The following MAML3 variants were observed in gnomAD, a reference collection of about 807,000 sequenced individuals.
MAML3 encodes mastermind-like protein 3.
A neutral mutation model predicts 101.9 loss-of-function variants in MAML3; 27 were observed. That is an observed-to-expected ratio of 0.27 (90% CI 0.20 to 0.37). The LOEUF is 0.37. Ranked by LOEUF, MAML3 falls within the 10% of genes least tolerant of loss-of-function variation. MAML3 has a pLI of 1.00. For missense variants in MAML3, 1,316 were observed against 1,444.9 expected, an observed-to-expected ratio of 0.91 and a Z score of 1.45; for synonymous variants, 501 against 555.9, an observed-to-expected ratio of 0.90 and a Z score of 1.39.
intron 1 of MAML3, among the ~76,000 whole-genome samples, chr4:139,933,386 T>A (rs1227143473): frequency 2.0e-5 from 3 of 152,172 alleles, no homozygotes; most frequent in African/African-American, 2.4e-5. Flanking sequence ...TGTAACTTGC[T>A]GTCAAGAGAC....
intron 1 of MAML3, among the ~76,000 whole-genome samples, chr4:139,951,653 G>A (rs1456617106): frequency 6.6e-6 from 1 of 152,106 alleles, no homozygotes; most frequent in Non-Finnish European, 1.5e-5. Context: ...GGTCAGCTGT[G>A]GCTTCTCGGC....
intron 1 of MAML3, among the ~76,000 whole-genome samples, chr4:140,135,686 A>G (rs529087220): frequency 6.6e-6 from 1 of 152,198 alleles, no homozygotes; most frequent in South Asian, 2.1e-4. Flanking sequence ...GAGTTCCCCA[A>G]ACAAAAGCCA....
At position 139,890,189 on chromosome 4, in the gene MAML3, T is replaced by A; in HGVS notation, c.1247A>T (p.Gln416Leu). Reference sequence around the variant, plus strand: ...GGCTTGGTTTGGAGTTTGAGGGGACTGGACAGCACAGTTTGCTGGTGAGCT... The same window carrying A: ...GGCTTGGTTTGGAGTTTGAGGGGACAGGACAGCACAGTTTGCTGGTGAGCT... ...PASSPANCAV[Q>L]SPQTPNQAHT... Residue 416 changes from glutamine (Q) to leucine (L), a missense_variant, in exon 2 of 5, where the codon CAG becomes CTG. Coordinates refer to ENST00000509479, the MANE Select transcript of MAML3 (RefSeq NM_018717.5). The surrounding 1 kb of genome is among the most constrained non-coding windows in gnomAD (Gnocchi z 4.1). 1 of 1,613,442 alleles carries A rather than the reference T, an allele frequency of 6.2e-7. No homozygotes were observed. Among genetic ancestry groups the A allele is most frequent in the Non-Finnish European group, 8.5e-7 (1 of 1,179,880 alleles).
At chr4:139,803,292 A>T (rs933790317) in intron 2 of MAML3, among the ~76,000 whole-genome samples, 13 of 152,350 alleles carry the variant, frequency 8.5e-5, no homozygotes, top group Admixed American at 7.8e-4. Flanking sequence ...AATGAAATGC[A>T]GTGCTGCTGG....
intron 2 of MAML3, among the ~76,000 whole-genome samples, chr4:139,877,400 G>A (rs1448788089): frequency 6.6e-6 from 1 of 151,732 alleles, no homozygotes; most frequent in Non-Finnish European, 1.5e-5. Context: ...AATAGTTAAT[G>A]AACGATGACA....
intron 2 of MAML3, among the ~76,000 whole-genome samples, chr4:139,865,496 GTTT>G (rs1175520994): frequency 8.2e-6 from 1 of 122,626 alleles, no homozygotes. Flanking sequence ...TTTTTTTTTT[GTTT>G]TTTTTTTTTT....
intron 1 of MAML3, among the ~76,000 whole-genome samples, chr4:140,111,000 C>T (rs1728430774): frequency 6.6e-6 from 1 of 152,138 alleles, no homozygotes; most frequent in Non-Finnish European, 1.5e-5. Context: ...TATTTGTGCA[C>T]CTGTCAGAAT....
At chr4:139,788,510 T>G (rs1381264014) in intron 2 of MAML3, among the ~76,000 whole-genome samples, 1 of 152,248 alleles carries the variant, frequency 6.6e-6, no homozygotes, top group East Asian at 1.9e-4. Flanking sequence ...ACCTCACATC[T>G]GACAGAATGA....
At chr4:139,738,082 G>A (rs1729014462) in intron 2 of MAML3, among the ~76,000 whole-genome samples, 1 of 147,794 alleles carries the variant, frequency 6.8e-6, no homozygotes, top group East Asian at 1.9e-4. Context: ...ACAGGCCTGG[G>A]TAGAAACTCA....
chr4:139,765,670 T>C (rs1729841579), intron 2 of MAML3, among the ~76,000 whole-genome samples: 1 of 152,190 alleles, frequency 6.6e-6, no homozygotes, highest in South Asian at 2.1e-4. Flanking sequence ...TGCTTAGAAG[T>C]CTACAATCTT....
At chr4:140,105,155 C>T (rs936337973) in intron 1 of MAML3, among the ~76,000 whole-genome samples, 11 of 152,120 alleles carry the variant, frequency 7.2e-5, no homozygotes, top group African/African-American at 2.7e-4. Flanking sequence ...GCCACCACCC[C>T]CATCATGTAA....
intron 2 of MAML3, among the ~76,000 whole-genome samples, chr4:139,866,162 C>T (rs987813962): frequency 6.6e-6 from 1 of 152,238 alleles, no homozygotes; most frequent in Non-Finnish European, 1.5e-5. Flanking sequence ...CCAGTGGCCA[C>T]GAAGGTATAC....
At chr4:139,904,552 A>C (rs1472555577) in intron 1 of MAML3, among the ~76,000 whole-genome samples, 2 of 152,212 alleles carry the variant, frequency 1.3e-5, no homozygotes, top group African/African-American at 4.8e-5. Context: ...ACCACATGCC[A>C]CTCAGTCCAG....
chr4:139,777,693 G>A lies in MAML3; in HGVS notation c.2080-47026C>T, dbSNP rs542024586. Among the ~76,000 whole-genome samples, 203 of 152,258 alleles carry A rather than the reference G, an allele frequency of 1.3e-3. 1 individual carries two copies. Among genetic ancestry groups the A allele is most frequent in the African/African-American group, 4.7e-3 (195 of 41,546 alleles). On this transcript the variant is annotated intron_variant, in intron 2 of 4. Coordinates refer to ENST00000509479, the MANE Select transcript of MAML3 (RefSeq NM_018717.5). ...AGGCATGCACCATGGTGCCCAGCCC[G>A]GGTGCTTTTTAGAGCATAAATCAGA...
At chr4:139,816,702 A>G (rs1373077364) in intron 2 of MAML3, among the ~76,000 whole-genome samples, 1 of 152,082 alleles carries the variant, frequency 6.6e-6, no homozygotes, top group Non-Finnish European at 1.5e-5. Flanking sequence ...TCGAGTGCCT[A>G]CTAAGTGTAG....
intron 1 of MAML3, among the ~76,000 whole-genome samples, chr4:140,031,535 G>A (rs962446887): frequency 2.0e-5 from 3 of 152,148 alleles, no homozygotes; most frequent in Non-Finnish European, 4.4e-5. Context: ...CTCCTTCACT[G>A]AAATTTTGCT....
chr4:140,104,698 G>C (rs2111002335), intron 1 of MAML3, among the ~76,000 whole-genome samples: 1 of 151,250 alleles, frequency 6.6e-6, no homozygotes, highest in East Asian at 1.9e-4. Context: ...TCGCCATGTT[G>C]CCCAGGCTGG....
At chr4:139,874,796 C>T (rs1231728494) in intron 2 of MAML3, among the ~76,000 whole-genome samples, 1 of 140,038 alleles carries the variant, frequency 7.1e-6, no homozygotes, top group Non-Finnish European at 1.5e-5. Context: ...TTATCATCCC[C>T]TATCTTTCCT....
chr4:139,997,716 G>GT (rs1363714242), intron 1 of MAML3, among the ~76,000 whole-genome samples: 1 of 150,954 alleles, frequency 6.6e-6, no homozygotes, highest in African/African-American at 2.4e-5. Context: ...AGTATTTATT[G>GT]TAAGAAAGGC....
Sources: allele counts gnomAD v4.1 joint callset (sites outside exome capture counted in the v4.1 genomes callset), GRCh38; gene constraint gnomAD v4.1.1; non-coding constraint Gnocchi (gnomAD v3.1); transcripts MANE v1.5; gene names NCBI Gene and HGNC (gene_info 2026-07-23, HGNC 2026-07-21).